FHIP2A: variants seen among roughly 807,000 people sequenced by gnomAD.
FHIP2A encodes the protein family with sequence similarity 160 member B1.
FHIP2A carries 46 observed loss-of-function variants against 93.5 expected under a neutral mutation model. The observed-to-expected ratio is 0.49, with a 90% CI of 0.39 to 0.63. The LOEUF is 0.63. Among genes scored for constraint, FHIP2A ranks in the 20% least tolerant of loss-of-function variants. The probability of loss-of-function intolerance (pLI) is 0.00; values close to 1 mark genes in which losing one functional copy is unlikely to be tolerated. For missense variants in FHIP2A, 769 were observed against 909.7 expected (o/e 0.85, Z 1.99); for synonymous variants, 332 against 326.5 (o/e 1.02, Z -0.18).
chr10:114,883,254 C>T (rs2083925858), intron 16 of FHIP2A, among the ~76,000 whole-genome samples: 1 of 152,166 alleles, frequency 6.6e-6, no homozygotes, highest in South Asian at 2.1e-4. Context: ...TTTCACACGC[C>T]TGCTTTCCAA....
intron 16 of FHIP2A, among the ~76,000 whole-genome samples, chr10:114,890,546 T>A (rs543621229): frequency 9.0e-4 from 131 of 146,344 alleles, no homozygotes; most frequent in Middle Eastern, 3.6e-3. Context: ...TATAGTATAT[T>A]AAATATACGC....
chr10:114,892,386 C>A lies in FHIP2A; in HGVS notation c.2193-7104C>A, dbSNP rs148178361. Among the ~76,000 whole-genome samples, 15 of 152,286 alleles carry A rather than the reference C, an allele frequency of 9.8e-5. No homozygotes were observed. The East Asian group carries it at 2.7e-3, about 27-fold the overall frequency. ...TGAAGACCGGGTGCGGTGGCTCACG[C>A]CTGTAATCCCAGTGTTCGAGGTGGG... is the stretch of plus-strand genomic sequence containing the variant. On this transcript the variant is annotated intron_variant, in intron 16 of 16. Transcript: ENST00000369250.
Position 114,880,143 on chromosome 10 carries a change from T to C in FHIP2A, c.2192+18809T>C, listed in dbSNP as rs139423973. 3.5e-3 allele frequency among the ~76,000 whole-genome samples: 526 copies of C among 152,282 alleles called. 1 individual carries two copies. Among genetic ancestry groups the C allele is most frequent in the African/African-American group, 0.012 (488 of 41,550 alleles). On this transcript the variant is annotated intron_variant, in intron 16 of 16. Transcript: ENST00000369250. ...AGTGCATGATTCAATTTACATGAAA[T>C]GCCCAGAACAGACAAATCTATACAG...
intron 1 of FHIP2A, among the ~76,000 whole-genome samples, chr10:114,823,401 T>C (rs2083552142): frequency 6.6e-6 from 1 of 152,244 alleles, no homozygotes; most frequent in Non-Finnish European, 1.5e-5. Context: ...ATACACACTC[T>C]ACTTTTGTTG....
intron 16 of FHIP2A, among the ~76,000 whole-genome samples, chr10:114,884,392 G>A (rs984655459): frequency 3.3e-5 from 5 of 152,194 alleles, no homozygotes; most frequent in African/African-American, 4.8e-5. Context: ...AGACAAAACT[G>A]AGTTTAAACT....
chr10:114,891,137 T>A (rs12766296), intron 16 of FHIP2A, among the ~76,000 whole-genome samples: 44,052 of 150,782 alleles, frequency 0.29, 7,546 homozygotes, highest in Middle Eastern at 0.42. Context: ...AAGGCTGTAG[T>A]GAGCTATGAT....
chr10:114,836,063 A>C, intron 4 of FHIP2A, 61 bp from the exon 5 acceptor site: 1 of 1,330,124 alleles, frequency 7.5e-7, no homozygotes. Flanking sequence ...ATGAATGGTT[A>C]TTTTACAAAT....
chr10:114,837,004 T>C (rs2083639894), intron 5 of FHIP2A, among the ~76,000 whole-genome samples: 1 of 152,106 alleles, frequency 6.6e-6, no homozygotes, highest in African/African-American at 2.4e-5. Flanking sequence ...CTGGTTCAAG[T>C]GATCCTCTTA....
intron 16 of FHIP2A, among the ~76,000 whole-genome samples, chr10:114,888,941 T>A (rs1199879154): frequency 6.6e-6 from 1 of 152,186 alleles, no homozygotes; most frequent in Non-Finnish European, 1.5e-5. Context: ...AGTTTGCTGA[T>A]GAAGTTTTGC....
intron 16 of FHIP2A, among the ~76,000 whole-genome samples, chr10:114,894,282 G>A (rs879705844): frequency 2.0e-5 from 3 of 151,910 alleles, no homozygotes; most frequent in Non-Finnish European, 4.4e-5. Context: ...GATGAAGCTG[G>A]GCATGGTGGC....
chr10:114,847,217 C>A lies in FHIP2A; in HGVS notation c.1696C>A (p.His566Asn). The change falls in exon 12 of 17, where the codon CAT becomes AAT. Residue 566 changes from histidine (H) to asparagine (N), a missense_variant. His to Asn is a moderately conservative substitution (Grantham distance 68). Coordinates refer to ENST00000369248, the MANE Select transcript of FHIP2A (RefSeq NM_020940.4). ...HPKNDGKTEVHKIVNSFLCLV... is the reference protein window; with the variant it reads ...HPKNDGKTEVNKIVNSFLCLV... ...CAAAAATGATGGAAAAACTGAAGTT[C>A]ATAAAATTGTAAATAGGTGAGTTGC... 1 of 1,610,312 alleles carries A rather than the reference C, an allele frequency of 6.2e-7. No homozygotes were observed. The highest frequency in any genetic ancestry group is 1.1e-5 in the South Asian group (1 of 89,828).
chr10:114,873,996 G>A (rs1279995175), intron 16 of FHIP2A, among the ~76,000 whole-genome samples: 1 of 152,120 alleles, frequency 6.6e-6, no homozygotes, highest in Non-Finnish European at 1.5e-5. Context: ...CATTGACTTG[G>A]CATGGTGCTT....
chr10:114,871,771 A>G (rs1399069771), intron 16 of FHIP2A, among the ~76,000 whole-genome samples: 1 of 152,024 alleles, frequency 6.6e-6, no homozygotes, highest in African/African-American at 2.4e-5. Flanking sequence ...AGAGATTGTC[A>G]CCTGCACCCC....
chr10:114,853,869 C>G (rs1200434611), intron 13 of FHIP2A, among the ~76,000 whole-genome samples: 1 of 151,980 alleles, frequency 6.6e-6, no homozygotes, highest in African/African-American at 2.4e-5. Context: ...CCTGGTGGCT[C>G]ATGCCACTGC....
intron 6 of FHIP2A, 77 bp from the exon 7 acceptor site, chr10:114,843,664 C>A: frequency 1.8e-6 from 2 of 1,114,896 alleles, no homozygotes; most frequent in Non-Finnish European, 1.2e-6. Flanking sequence ...ACATTAAATC[C>A]TTTTATGTTG....
chr10:114,851,311 A>AT (rs1235668762), intron 13 of FHIP2A, among the ~76,000 whole-genome samples: 1 of 152,076 alleles, frequency 6.6e-6, no homozygotes, highest in Admixed American at 6.5e-5. Flanking sequence ...GATTACATAG[A>AT]TTTTCACCTA....
intron 11 of FHIP2A, 127 bp from the exon 12 acceptor site, chr10:114,846,963 A>C: frequency 1.1e-6 from 1 of 902,576 alleles, no homozygotes; most frequent in Non-Finnish European, 1.7e-6. Flanking sequence ...GAAAATATAC[A>C]TAATTCCTTA....
chr10:114,888,962 G>A (rs1221200911), intron 16 of FHIP2A, among the ~76,000 whole-genome samples: 1 of 152,104 alleles, frequency 6.6e-6, no homozygotes, highest in Non-Finnish European at 1.5e-5. Flanking sequence ...TCTATGACTT[G>A]TCATGTAATC....
chr10:114,872,581 A>T (rs1365574353), intron 16 of FHIP2A, among the ~76,000 whole-genome samples: 1 of 152,194 alleles, frequency 6.6e-6, no homozygotes, highest in Non-Finnish European at 1.5e-5. Context: ...GGAAGATGTC[A>T]TCCTACTCCA....
Sources: allele counts gnomAD v4.1 joint callset (sites outside exome capture counted in the v4.1 genomes callset), GRCh38; gene constraint gnomAD v4.1.1; transcripts MANE v1.5; gene names NCBI Gene and HGNC (gene_info 2026-07-23, HGNC 2026-07-21).